The following CSMD3 variants were observed in gnomAD, a reference collection of about 807,000 sequenced individuals.
CSMD3 encodes the protein CUB and sushi domain-containing protein 3.
Under a neutral mutation model 435.2 loss-of-function variants are expected in CSMD3, and 177 were observed. That is an observed-to-expected ratio of 0.41 (90% CI 0.36 to 0.46). CSMD3 has a LOEUF of 0.46. CSMD3 is among the 20% of genes least tolerant of loss of function. The pLI is 0.34. For missense variants in CSMD3, 4,265 were observed against 4,504.6 expected (o/e 0.95, Z 1.52); for synonymous variants, 1,656 against 1,520.5 (o/e 1.09, Z -2.07).
In CSMD3 at chr8:112,556,890, T is replaced by C; in HGVS notation, c.4107A>G (p.Gln1369=). The C allele has an allele frequency of 1.2e-6, 2 of 1,611,502 alleles. No individual in the cohort carries two copies. The highest frequency in any genetic ancestry group is 1.7e-4 in the Middle Eastern group (1 of 6,040). The part of the protein sequence containing the change: ...IPQFGYKISD[Q]GHFAGSTIIY... ...TGATGGTGCTACCAGCAAAGTGGCC[T>C]TGGTCACTGATCTTGTATCCAAATT... The change falls in exon 25 of 71, where the codon CAA becomes CAG. Residue 1369 remains glutamine (Q), a synonymous_variant. Coordinates refer to ENST00000297405, the MANE Select transcript of CSMD3 (RefSeq NM_198123.2).
chr8:112,950,827 A>G (rs2083781070), intron 8 of CSMD3, among the ~76,000 whole-genome samples: 1 of 151,922 alleles, frequency 6.6e-6, no homozygotes, highest in Non-Finnish European at 1.5e-5. Flanking sequence ...CAAGGCAGAA[A>G]CTATGTCATT....
At chr8:112,517,658 A>G (rs1823821612) in intron 27 of CSMD3, among the ~76,000 whole-genome samples, 2 of 152,206 alleles carry the variant, frequency 1.3e-5, no homozygotes, top group Admixed American at 1.3e-4. Flanking sequence ...ACATGAAAAG[A>G]TGTTGAACAT....
intron 32 of CSMD3, among the ~76,000 whole-genome samples, chr8:112,417,686 C>T (rs1311786809): frequency 6.6e-6 from 1 of 152,118 alleles, no homozygotes; most frequent in Non-Finnish European, 1.5e-5. Flanking sequence ...CTTGATTTTA[C>T]ATTCTATCCT....
At chr8:113,422,860 C>T (rs993117651) in intron 1 of CSMD3, among the ~76,000 whole-genome samples, 1 of 152,000 alleles carries the variant, frequency 6.6e-6, no homozygotes, top group African/African-American at 2.4e-5. Flanking sequence ...TCAGCTACAA[C>T]ATGATACTTT....
intron 6 of CSMD3, among the ~76,000 whole-genome samples, chr8:112,979,278 T>G (rs2084961245): frequency 6.6e-6 from 1 of 151,832 alleles, no homozygotes; most frequent in Non-Finnish European, 1.5e-5. Flanking sequence ...TAGATATGTT[T>G]GATACATATA....
intron 32 of CSMD3, among the ~76,000 whole-genome samples, chr8:112,412,786 T>G (rs1811492986): frequency 6.6e-6 from 1 of 152,130 alleles, no homozygotes; most frequent in South Asian, 2.1e-4. Flanking sequence ...TGCCAGGAAC[T>G]GGGTTAAATG....
chr8:112,861,237 A>C lies in CSMD3; in HGVS notation c.1634-1971T>G, dbSNP rs781108118. 6.2e-4 allele frequency among the ~76,000 whole-genome samples: 94 copies of C among 151,924 alleles called. 1 individual carries two copies. Among genetic ancestry groups the C allele is most frequent in the Non-Finnish European group, 2.2e-4 (15 of 67,782 alleles). ...TTCTAGACTCCAACTTCTCTATTAC[A>C]TCCTCCTCACTGCTACTATATTTAT... On this transcript the variant is annotated intron_variant, in intron 10 of 70. Transcript: ENST00000297405.
chr8:112,389,762 T>A (rs1393601471), intron 36 of CSMD3, among the ~76,000 whole-genome samples: 1 of 152,228 alleles, frequency 6.6e-6, no homozygotes, highest in Non-Finnish European at 1.5e-5. Flanking sequence ...TCAAGTTATA[T>A]CTGTGAAGGC....
At chr8:112,633,429 T>C (rs577409578) in intron 22 of CSMD3, among the ~76,000 whole-genome samples, 117 of 152,162 alleles carry the variant, frequency 7.7e-4, no homozygotes, top group African/African-American at 2.8e-3. Flanking sequence ...TGAGTATTTT[T>C]ATAGACATCA....
chr8:113,297,308 C>T (rs187253736), intron 2 of CSMD3, among the ~76,000 whole-genome samples: 89 of 149,728 alleles, frequency 5.9e-4, no homozygotes, highest in African/African-American at 2.1e-3. Context: ...TCTGGTCGCA[C>T]ATTAACTGTC....
intron 5 of CSMD3, among the ~76,000 whole-genome samples, chr8:113,074,557 C>A (rs2089263343): frequency 1.3e-5 from 2 of 151,792 alleles, no homozygotes; most frequent in South Asian, 2.1e-4. Context: ...GAGGCTTAGT[C>A]AATGGAATTA....
intron 5 of CSMD3, among the ~76,000 whole-genome samples, chr8:113,040,087 T>C (rs192180895): frequency 5.3e-5 from 8 of 152,200 alleles, no homozygotes; most frequent in South Asian, 4.1e-4. Context: ...CAGAGAGATA[T>C]ATGGTTAGAG....
rs142282575 is a variant in CSMD3 at position 112,687,240 on chromosome 8, G to C, written c.2156-1508C>G. Among the ~76,000 whole-genome samples the C allele has an allele frequency of 5.4e-3, 815 of 151,956 alleles. 4 individuals are homozygous for C. The highest frequency in any genetic ancestry group is 0.019 in the African/African-American group (771 of 41,538). On this transcript the variant is annotated intron_variant, in intron 14 of 70. Coordinates refer to ENST00000297405, the MANE Select transcript of CSMD3 (RefSeq NM_198123.2). ...GTGATTATTTTCCTTCTCCTCCATT[G>C]ATAAGAAAAATGATAACTCATTGTC...
At chr8:113,169,349 C>G (rs562653217) in intron 4 of CSMD3, among the ~76,000 whole-genome samples, 1 of 152,062 alleles carries the variant, frequency 6.6e-6, no homozygotes, top group African/African-American at 2.4e-5. Flanking sequence ...CATACAACAT[C>G]TACATCACTA....
In CSMD3 at chr8:112,574,797, A is replaced by G. The variant is rs190372385; in HGVS notation, c.3886-1140T>C. ...GTTTCATGGGCTTCTTAGGTGAACA[A>G]TAACAACAAGAAAAATTGGAGAATA... On this transcript the variant is annotated intron_variant, in intron 23 of 70. Coordinates refer to ENST00000297405, the MANE Select transcript of CSMD3 (RefSeq NM_198123.2). Among the ~76,000 whole-genome samples, 67 of 152,084 alleles carry G rather than the reference A, an allele frequency of 4.4e-4. 1 individual carries two copies. Among genetic ancestry groups the G allele is most frequent in the African/African-American group, 1.5e-3 (62 of 41,550 alleles).
At chr8:113,000,743 T>C (rs1045429349) in intron 6 of CSMD3, among the ~76,000 whole-genome samples, 2 of 152,022 alleles carry the variant, frequency 1.3e-5, no homozygotes, top group Non-Finnish European at 2.9e-5. Flanking sequence ...GGGAAATCAT[T>C]AAACTCCATC....
chr8:112,992,574 A>G (rs2085495644), intron 6 of CSMD3, among the ~76,000 whole-genome samples: 1 of 151,828 alleles, frequency 6.6e-6, no homozygotes, highest in African/African-American at 2.4e-5. Flanking sequence ...CAGAATGAAG[A>G]GCAGATGTAA....
intron 32 of CSMD3, among the ~76,000 whole-genome samples, chr8:112,461,467 A>G (rs942178604): frequency 6.6e-6 from 1 of 152,116 alleles, no homozygotes; most frequent in East Asian, 1.9e-4. Flanking sequence ...TCCCATATCA[A>G]CATCTTAAAG....
At chr8:112,578,033 T>C (rs1056867710) in intron 23 of CSMD3, among the ~76,000 whole-genome samples, 1 of 152,100 alleles carries the variant, frequency 6.6e-6, no homozygotes, top group African/African-American at 2.4e-5. Flanking sequence ...CTTTTGGTCA[T>C]TTGTTTTATA....
Sources: allele counts gnomAD v4.1 joint callset (sites outside exome capture counted in the v4.1 genomes callset), GRCh38; gene constraint gnomAD v4.1.1; transcripts MANE v1.5; gene names NCBI Gene and HGNC (gene_info 2026-07-23, HGNC 2026-07-21).